Variants in NTM observed in about 807,000 individuals in gnomAD.
NTM encodes neurotrimin, also known as IgLON family member 2.
In NTM, 13 loss-of-function variants were observed where a neutral mutation model predicts 42.1. That is an observed-to-expected ratio of 0.31 (90% CI 0.20 to 0.49). NTM has a LOEUF of 0.49. NTM is among the 20% of genes least tolerant of loss of function. The pLI is 0.99. For synonymous variants in NTM, 187 were observed against 179.2 expected (o/e 1.04, Z -0.35); for missense variants, 373 against 452.8 (o/e 0.82, Z 1.60).
chr11:132,328,629 C>T (rs2095735994), intron 7 of NTM, among the ~76,000 whole-genome samples: 2 of 152,112 alleles, frequency 1.3e-5, no homozygotes, highest in Admixed American at 1.3e-4. Flanking sequence ...CCAGTACGCC[C>T]ATCACTGTCT....
At chr11:132,026,693 A>G (rs2075229561) in intron 2 of NTM, among the ~76,000 whole-genome samples, 1 of 152,088 alleles carries the variant, frequency 6.6e-6, no homozygotes, top group Admixed American at 6.5e-5. Context: ...CAAGACAATT[A>G]TTTTTGCTGT....
intron 1 of NTM, among the ~76,000 whole-genome samples, chr11:131,560,784 T>A (rs2056124329): frequency 6.6e-6 from 1 of 152,260 alleles, no homozygotes; most frequent in South Asian, 2.1e-4. Flanking sequence ...TATTACTTAC[T>A]GTGTTTACCA....
intron 1 of NTM, among the ~76,000 whole-genome samples, chr11:131,777,590 C>T (rs1429091157): frequency 6.6e-6 from 1 of 151,860 alleles, no homozygotes; most frequent in African/African-American, 2.4e-5. Context: ...AGAAAAATGG[C>T]ATAACAAAGC....
intron 2 of NTM, among the ~76,000 whole-genome samples, chr11:132,018,532 T>C (rs940774799): frequency 1.3e-5 from 2 of 151,976 alleles, no homozygotes; most frequent in African/African-American, 4.8e-5. Flanking sequence ...TTTCATTAAT[T>C]GATTTTTAGA....
intron 1 of NTM, among the ~76,000 whole-genome samples, chr11:131,760,251 T>G (rs1210702334): frequency 1.3e-5 from 2 of 152,210 alleles, no homozygotes; most frequent in Non-Finnish European, 2.9e-5. Flanking sequence ...GGGTGATTCA[T>G]GCATATTGCG....
At chr11:131,953,026 A>G (rs914950662) in intron 2 of NTM, among the ~76,000 whole-genome samples, 5 of 152,266 alleles carry the variant, frequency 3.3e-5, no homozygotes, top group Admixed American at 3.3e-4. Context: ...TGCCAGTTTT[A>G]AGAATTTTGA....
intron 1 of NTM, among the ~76,000 whole-genome samples, chr11:131,475,540 A>G (rs1434111630): frequency 1.3e-5 from 2 of 152,138 alleles, no homozygotes; most frequent in South Asian, 2.1e-4. Flanking sequence ...AAACTGCTAC[A>G]TATCACAGTC....
At chr11:132,226,475 T>C (rs1219094196) in intron 4 of NTM, among the ~76,000 whole-genome samples, 1 of 152,258 alleles carries the variant, frequency 6.6e-6, no homozygotes, top group African/African-American at 2.4e-5. Flanking sequence ...GATGAGGTTT[T>C]TTTCATATGT....
At chr11:131,743,093 C>T (rs1264567853) in intron 1 of NTM, among the ~76,000 whole-genome samples, 1 of 152,136 alleles carries the variant, frequency 6.6e-6, no homozygotes, top group Non-Finnish European at 1.5e-5. Flanking sequence ...ATTTTTCTCT[C>T]TCATAATGTA....
At chr11:132,099,929 C>T (rs1326370391) in intron 2 of NTM, among the ~76,000 whole-genome samples, 1 of 152,102 alleles carries the variant, frequency 6.6e-6, no homozygotes, top group Admixed American at 6.6e-5. Context: ...TGCTCTACCC[C>T]ATCCTTTTCT....
chr11:132,045,410 A>G (rs1408473977), intron 2 of NTM, among the ~76,000 whole-genome samples: 2 of 152,214 alleles, frequency 1.3e-5, no homozygotes, highest in African/African-American at 4.8e-5. Context: ...GTGCTCTTTA[A>G]AAATTAATAA....
intron 1 of NTM, among the ~76,000 whole-genome samples, chr11:131,511,456 A>C (rs988445882): frequency 2.6e-5 from 4 of 152,224 alleles, no homozygotes; most frequent in Non-Finnish European, 4.4e-5. Flanking sequence ...CAACTCCAGC[A>C]CACCCCCTCA....
At chr11:132,220,415 A>C (rs1227442009) in intron 4 of NTM, among the ~76,000 whole-genome samples, 2 of 152,220 alleles carry the variant, frequency 1.3e-5, no homozygotes, top group Non-Finnish European at 2.9e-5. Flanking sequence ...CAGTGTCAAT[A>C]GGGGTTTTTG....
intron 1 of NTM, among the ~76,000 whole-genome samples, chr11:131,845,828 T>A (rs1466829940): frequency 6.6e-6 from 1 of 152,174 alleles, no homozygotes; most frequent in Non-Finnish European, 1.5e-5. Context: ...CCGAGGATTT[T>A]TCCTTCCCTA....
intron 1 of NTM, among the ~76,000 whole-genome samples, chr11:131,651,914 A>G (rs1643405396): frequency 1.3e-5 from 2 of 148,794 alleles, no homozygotes; most frequent in African/African-American, 2.5e-5. Flanking sequence ...GGGGAAGCTT[A>G]GGTCAGCTCA....
intron 2 of NTM, among the ~76,000 whole-genome samples, chr11:131,943,698 T>C (rs2060047322): frequency 6.6e-6 from 1 of 152,226 alleles, no homozygotes; most frequent in African/African-American, 2.4e-5. Flanking sequence ...ATTTTAGAAA[T>C]GCAACTTTCC....
At chr11:131,955,419 C>T (rs2061454300) in intron 2 of NTM, among the ~76,000 whole-genome samples, 1 of 152,090 alleles carries the variant, frequency 6.6e-6, no homozygotes, top group Non-Finnish European at 1.5e-5. Flanking sequence ...AACTGCTAGG[C>T]CTTCCCTCTC....
chr11:131,624,875 C>A (rs1305656585), intron 1 of NTM, among the ~76,000 whole-genome samples: 1 of 152,178 alleles, frequency 6.6e-6, no homozygotes, highest in Non-Finnish European at 1.5e-5. Flanking sequence ...GATGATCAGG[C>A]AGCCAGGATT....
chr11:131,990,261 G>A (rs769664019), intron 2 of NTM, among the ~76,000 whole-genome samples: 48 of 152,238 alleles, frequency 3.2e-4, no homozygotes, highest in Non-Finnish European at 6.5e-4. Flanking sequence ...TCGAAATCCA[G>A]TACTCTTCAT....
Sources: gnomAD v4.1 joint callset for allele counts (sites outside exome capture counted in the v4.1 genomes callset) on GRCh38, gnomAD v4.1.1 for gene constraint, MANE v1.5 for transcripts, NCBI Gene and HGNC (gene_info 2026-07-23, HGNC 2026-07-21) for gene names.